Variants in SLC44A1 observed in about 807,000 individuals in gnomAD.
SLC44A1 encodes the protein solute carrier family 44 member 1.
In SLC44A1, 26 loss-of-function variants were observed where a neutral mutation model predicts 79.3. The observed-to-expected ratio is 0.33, with a 90% confidence interval of 0.24 to 0.46. The LOEUF (loss-of-function observed/expected upper bound fraction) is 0.46, where lower values mean the gene tolerates loss of function less well. Among genes scored for constraint, SLC44A1 ranks in the 20% least tolerant of loss-of-function variants. The probability of loss-of-function intolerance (pLI) is 1.00; values close to 1 mark genes in which losing one functional copy is unlikely to be tolerated. For missense variants in SLC44A1, 688 were observed against 798.1 expected, an observed-to-expected ratio of 0.86 and a Z score of 1.66; for synonymous variants, 263 against 286.2, an observed-to-expected ratio of 0.92 and a Z score of 0.82.
intron 15 of SLC44A1, among the ~76,000 whole-genome samples, chr9:105,421,462 G>A (rs142539436): frequency 1.3e-5 from 2 of 152,102 alleles, no homozygotes. Context: ...AAGCATTAGA[G>A]CCACCGTCAT....
At chr9:105,374,526 C>T in intron 12 of SLC44A1, 72 bp from the exon 13 acceptor site, 3 of 1,441,650 alleles carry the variant, frequency 2.1e-6, no homozygotes, top group South Asian at 1.3e-5. Context: ...TATGTTTTAG[C>T]TATGCTCAGT....
chr9:105,412,031 T>C (rs1564055784), intron 15 of SLC44A1, among the ~76,000 whole-genome samples: 2 of 152,244 alleles, frequency 1.3e-5, no homozygotes, highest in Non-Finnish European at 2.9e-5. Flanking sequence ...CTGAAACAGC[T>C]ATTACTGGTG....
At chr9:105,426,936 C>CA (rs1352456725) in intron 15 of SLC44A1, among the ~76,000 whole-genome samples, 1 of 144,466 alleles carries the variant, frequency 6.9e-6, no homozygotes, top group Non-Finnish European at 1.5e-5. Flanking sequence ...TTTCCTTTTC[C>CA]TTTTTTTTTT....
At chr9:105,298,865 G>A (rs1226673198) in intron 1 of SLC44A1, among the ~76,000 whole-genome samples, 1 of 152,098 alleles carries the variant, frequency 6.6e-6, no homozygotes, top group African/African-American at 2.4e-5. Flanking sequence ...GTTAGATGCC[G>A]AGAAATAAGC....
At chr9:105,271,577 C>T (rs1830078337) in intron 1 of SLC44A1, among the ~76,000 whole-genome samples, 1 of 152,128 alleles carries the variant, frequency 6.6e-6, no homozygotes, top group Non-Finnish European at 1.5e-5. Flanking sequence ...GTGTTTATCT[C>T]TAGTGTGAAG....
intron 1 of SLC44A1, among the ~76,000 whole-genome samples, chr9:105,269,884 G>A (rs1371404529): frequency 2.0e-5 from 3 of 152,078 alleles, no homozygotes; most frequent in Non-Finnish European, 4.4e-5. Flanking sequence ...AAACTCTCTC[G>A]TCTTAGTGTG....
intron 1 of SLC44A1, among the ~76,000 whole-genome samples, chr9:105,298,538 C>T (rs532807440): frequency 2.0e-5 from 3 of 152,078 alleles, no homozygotes; most frequent in South Asian, 2.1e-4. Flanking sequence ...TTAGTAGAGA[C>T]GGGGTTTCGC....
rs776052841 is a variant in SLC44A1 at position 105,292,182 on chromosome 9, ATGTAGTCCTTTAGCC to A, written c.37-7034_37-7020del. 8.5e-5 allele frequency among the ~76,000 whole-genome samples: 13 copies of A among 152,328 alleles called. No individual in the cohort carries two copies. The South Asian group carries it at 1.7e-3, about 19-fold the overall frequency. ...TAGTCTGGGGGAATGCCAAAGGAGC[ATGTAGTCCTTTAGCC>A]TGTCAGAAATTCCAAGTTGCAGCAC... On this transcript the variant is annotated intron_variant, in intron 1 of 15. Coordinates refer to ENST00000374720, the MANE Select transcript of SLC44A1 (RefSeq NM_080546.5).
intron 5 of SLC44A1, among the ~76,000 whole-genome samples, chr9:105,353,883 A>T (rs1004357851): frequency 1.1e-4 from 17 of 152,014 alleles, no homozygotes; most frequent in African/African-American, 4.1e-4. Context: ...GCTTTATTTT[A>T]AAAATATGGT....
chr9:105,384,928 A>G (rs544872385), intron 14 of SLC44A1, among the ~76,000 whole-genome samples: 1 of 152,270 alleles, frequency 6.6e-6, no homozygotes, highest in East Asian at 1.9e-4. Context: ...CTTTTTTTAA[A>G]AAGAGTAGTT....
At chr9:105,359,779 A>G (rs533758597) in intron 7 of SLC44A1, among the ~76,000 whole-genome samples, 4 of 152,308 alleles carry the variant, frequency 2.6e-5, no homozygotes, top group African/African-American at 9.6e-5. Context: ...CAAAATGGAA[A>G]CATTCCCTTG....
In SLC44A1 at chr9:105,392,395, C is replaced by A; in HGVS notation, c.*3339C>A. On this transcript the variant is annotated 3_prime_UTR_variant, in exon 16 of 16. Coordinates refer to ENST00000374720, the MANE Select transcript of SLC44A1 (RefSeq NM_080546.5). The stretch of plus-strand genomic sequence containing the variant: ...TTTCTTTTGTAGAGATGCTCTCTCT[C>A]TCTCTCTCTTTTTTTTTTTTTTTTT... The A allele has an allele frequency of 1.1e-6, 1 of 886,926 alleles. No homozygotes were observed. Among genetic ancestry groups the A allele is most frequent in the Non-Finnish European group, 1.3e-6 (1 of 772,564 alleles). 54.9% of individuals were successfully genotyped at this position (886,926 alleles called of 1,614,324 possible).
intron 13 of SLC44A1, among the ~76,000 whole-genome samples, chr9:105,382,123 T>A (rs7045091): frequency 0.79 from 119,470 of 152,140 alleles, 49,046 homozygotes; most frequent in East Asian, 1. Flanking sequence ...AGACCATTAT[T>A]TGAGTAGGAT....
At chr9:105,364,302 A>G (rs1334025037) in intron 9 of SLC44A1, among the ~76,000 whole-genome samples, 1 of 152,226 alleles carries the variant, frequency 6.6e-6, no homozygotes, top group South Asian at 2.1e-4. Flanking sequence ...TTGATAATAT[A>G]AGAAGAGTTT....
chr9:105,365,484 G>T lies in SLC44A1; in HGVS notation c.1255G>T (p.Asp419Tyr). ...TCTTTTTGGTCATTTTTTAAATAGG[G>T]ATAAAAGGAATTTGCCATTTACACC... The part of the protein sequence containing the change: ...GAVVTYYFTR[D>Y]KRNLPFTPIL... The change falls in exon 11 of 16, where the codon GAT becomes TAT. Residue 419 changes from aspartate to tyrosine, a missense_variant and splice_region_variant. Transcript: ENST00000374720. 6.2e-7 allele frequency: 1 copy of T among 1,610,002 alleles called. No individual in the cohort carries two copies. The highest frequency in any genetic ancestry group is 8.5e-7 in the Non-Finnish European group (1 of 1,177,486).
chr9:105,296,003 G>T (rs1830712991), intron 1 of SLC44A1, among the ~76,000 whole-genome samples: 1 of 152,178 alleles, frequency 6.6e-6, no homozygotes, highest in Admixed American at 6.5e-5. Flanking sequence ...CAAAATTTTA[G>T]TACGTATAAG....
chr9:105,361,242 A>G lies in SLC44A1; in HGVS notation c.812A>G (p.Lys271Arg). 6.2e-7 allele frequency: 1 copy of G among 1,614,148 alleles called. No individual in the cohort carries two copies. The change falls in exon 8 of 16, where the codon AAA becomes AGA. Residue 271 changes from lysine to arginine, a missense_variant. Coordinates refer to ENST00000374720, the MANE Select transcript of SLC44A1 (RefSeq NM_080546.5). ...WLYAKQRRSP[K>R]ETVTPEQLQI... is the part of the protein sequence containing the mutation. Reference sequence around the variant, plus strand: ...TATGCAAAGCAAAGAAGGTCTCCCAAAGAAACTGTTACTCCTGAGCAGCTT... The same window carrying G: ...TATGCAAAGCAAAGAAGGTCTCCCAGAGAAACTGTTACTCCTGAGCAGCTT...
chr9:105,264,797 A>ATT (rs34275618), intron 1 of SLC44A1, among the ~76,000 whole-genome samples: 13 of 141,944 alleles, frequency 9.2e-5, no homozygotes, highest in African/African-American at 1.0e-4. Flanking sequence ...CATACCTGGA[A>ATT]TTTTTTTTTT....
At chr9:105,316,978 G>T (rs1305766662) in intron 3 of SLC44A1, among the ~76,000 whole-genome samples, 1 of 152,156 alleles carries the variant, frequency 6.6e-6, no homozygotes, top group African/African-American at 2.4e-5. Flanking sequence ...GGTTTTGAAG[G>T]CTGAAATCAA....
Sources: allele counts gnomAD v4.1 joint callset (sites outside exome capture counted in the v4.1 genomes callset), GRCh38; gene constraint gnomAD v4.1.1; transcripts MANE v1.5; gene names NCBI Gene and HGNC (gene_info 2026-07-23, HGNC 2026-07-21).